DNAH14: variants seen among roughly 807,000 people sequenced by gnomAD.
DNAH14 encodes the protein axonemal beta dynein heavy chain 14.
In DNAH14, 478 loss-of-function variants were observed where a neutral mutation model predicts 520.9. The ratio of observed to expected loss-of-function variants is 0.92; its 90% CI spans 0.85 to 0.99. The LOEUF (loss-of-function observed/expected upper bound fraction) is 0.99. DNAH14 is among the 50% of genes least tolerant of loss of function. The probability of loss-of-function intolerance (pLI) is 0.00; values close to 1 mark genes in which losing one functional copy is unlikely to be tolerated. For synonymous variants in DNAH14, 1,581 were observed against 1,757.2 expected (o/e 0.90, Z 2.51); for missense variants, 4,831 against 5,234.5 (o/e 0.92, Z 2.38).
chr1:225,212,368 G>A (rs547051924), intron 41 of DNAH14, among the ~76,000 whole-genome samples: 3 of 151,990 alleles, frequency 2.0e-5, no homozygotes, highest in South Asian at 2.1e-4. Context: ...ATAAACATAC[G>A]TGTGCATGTG....
intron 84 of DNAH14, among the ~76,000 whole-genome samples, chr1:225,392,894 A>AG (rs1333844575): frequency 2.0e-5 from 3 of 152,158 alleles, no homozygotes; most frequent in African/African-American, 7.2e-5. Context: ...CGGTGCAGTG[A>AG]GGGGGACCCA....
intron 12 of DNAH14, among the ~76,000 whole-genome samples, chr1:225,039,993 T>G (rs1469696738): frequency 7.0e-6 from 1 of 143,566 alleles, no homozygotes; most frequent in Non-Finnish European, 1.5e-5. Context: ...GCTGGAGTGC[T>G]GTGGTGTGAT....
rs560233312 is a variant in DNAH14, at chr1:225,148,396, C to CTTTTTTTTTTTT, written c.4940+1159_4940+1170dup. ...TTCTCTAATGATCAGTAATGTTGAGCTTTTTTTTTTTTTTTTTTTTTTTGA... is the reference window on the plus strand; with the variant it reads ...TTCTCTAATGATCAGTAATGTTGAGCTTTTTTTTTTTTTTTTTTTTTTTTTTTTTTTTTTTGA... On this transcript the variant is annotated intron_variant, in intron 31 of 85. Coordinates refer to ENST00000682510, the MANE Select transcript of DNAH14 (RefSeq NM_001367479.1). Among the ~76,000 whole-genome samples, 21 of 96,622 alleles carry CTTTTTTTTTTTT rather than the reference C, an allele frequency of 2.2e-4. 2 individuals are homozygous for CTTTTTTTTTTTT. Among genetic ancestry groups the CTTTTTTTTTTTT allele is most frequent in the African/African-American group, 9.3e-4 (19 of 20,336 alleles). 63.4% of individuals were successfully genotyped at this position (96,622 alleles called of 152,430 possible).
At chr1:225,137,184 G>A (rs1359481100) in intron 27 of DNAH14, among the ~76,000 whole-genome samples, 5 of 152,134 alleles carry the variant, frequency 3.3e-5, no homozygotes, top group Non-Finnish European at 7.4e-5. Context: ...GCCCAGTTGT[G>A]TTGAAATCAA....
At chr1:225,339,252 A>G (rs2095129486) in intron 68 of DNAH14, among the ~76,000 whole-genome samples, 1 of 149,282 alleles carries the variant, frequency 6.7e-6, no homozygotes, top group South Asian at 2.1e-4. Flanking sequence ...CAGAGGTTGC[A>G]GTGAGCTGAG....
intron 43 of DNAH14, among the ~76,000 whole-genome samples, chr1:225,242,805 C>G (rs674025): frequency 0.15 from 22,699 of 152,162 alleles, 1,961 homozygotes; most frequent in East Asian, 0.36. Context: ...ACACCAGCAT[C>G]ACCACAAAGA....
At chr1:225,092,816 C>T (rs190522031) in intron 21 of DNAH14, among the ~76,000 whole-genome samples, 39 of 151,984 alleles carry the variant, frequency 2.6e-4, no homozygotes, top group Admixed American at 9.2e-4. Context: ...TCCAAATAAA[C>T]GCAATTATAA....
intron 37 of DNAH14, among the ~76,000 whole-genome samples, chr1:225,191,846 A>AT (rs2085482155): frequency 6.6e-6 from 1 of 151,536 alleles, no homozygotes; most frequent in Non-Finnish European, 1.5e-5. Flanking sequence ...GCCACTGTTG[A>AT]TTTTTATTTC....
At chr1:224,954,840 T>G (rs898837053) in intron 2 of DNAH14, 119 bp from the exon 3 acceptor site, 13 of 705,952 alleles carry the variant, frequency 1.8e-5, no homozygotes, top group Admixed American at 3.1e-5. Flanking sequence ...TAGCATTTAT[T>G]AAACCTAAGA....
intron 38 of DNAH14, among the ~76,000 whole-genome samples, chr1:225,200,683 C>T (rs765391902): frequency 2.6e-5 from 4 of 152,076 alleles, no homozygotes; most frequent in Admixed American, 6.6e-5. Flanking sequence ...AAACTAGGGC[C>T]CCAATTCCTT....
chr1:225,180,166 G>A (rs1379552124), intron 36 of DNAH14, among the ~76,000 whole-genome samples: 1 of 152,032 alleles, frequency 6.6e-6, no homozygotes, highest in Non-Finnish European at 1.5e-5. Flanking sequence ...CATTTGTAAA[G>A]TTTTCTGTTA....
At chr1:225,297,882 TG>T (rs1270342273) in intron 55 of DNAH14, among the ~76,000 whole-genome samples, 2 of 152,150 alleles carry the variant, frequency 1.3e-5, no homozygotes, top group African/African-American at 4.8e-5. Flanking sequence ...AGTTGCCCAC[TG>T]GGTTGTTTCT....
intron 1 of DNAH14, among the ~76,000 whole-genome samples, chr1:224,945,980 G>C (rs2059796974): frequency 6.6e-6 from 1 of 152,264 alleles, no homozygotes; most frequent in African/African-American, 2.4e-5. Context: ...CAAATCTCCA[G>C]CTGCATGCTG....
At chr1:224,947,321 C>A (rs983938098) in intron 1 of DNAH14, among the ~76,000 whole-genome samples, 8 of 152,088 alleles carry the variant, frequency 5.3e-5, no homozygotes, top group African/African-American at 1.9e-4. Flanking sequence ...AGTATTAATT[C>A]TACTATTAGA....
At position 225,322,446 on chromosome 1, in the gene DNAH14, G is replaced by C. The variant is rs535837606; in HGVS notation, c.9336-218G>C. Among the ~76,000 whole-genome samples, 42 of 152,140 alleles carry C rather than the reference G, an allele frequency of 2.8e-4. No homozygotes were observed. In the South Asian group the frequency reaches 5.4e-3, roughly 20 times the overall value. On this transcript the variant is annotated intron_variant, in intron 61 of 85. Coordinates refer to ENST00000682510, the MANE Select transcript of DNAH14 (RefSeq NM_001367479.1). ...TAACTCAGATGTAGTACTTATTTAA[G>C]TTTTATGCATTTCATCTTCCTAAAA...
In DNAH14 at chr1:225,324,241, A is replaced by G. The variant is rs1386493910; in HGVS notation, c.9515A>G (p.Lys3172Arg). ...CTCTAGGTTTTCGTGAAGCTAAAAA[A>G]AATTGTAACCTTACCTGATTTCAAC... ...IPDKVFVKLK[K>R]IVTLPDFNPH... Residue 3172 changes from lysine (K) to arginine (R), a missense_variant, in exon 63 of 86, where the codon AAA becomes AGA. By Grantham distance (26) the Lys-to-Arg change is conservative. Coordinates refer to ENST00000682510, the MANE Select transcript of DNAH14 (RefSeq NM_001367479.1). The G allele has an allele frequency of 6.4e-7, 1 of 1,551,610 alleles. No individual in the cohort carries two copies. Among genetic ancestry groups the G allele is most frequent in the African/African-American group, 1.4e-5 (1 of 73,056 alleles).
At chr1:225,037,963 C>T (rs1278110177) in intron 11 of DNAH14, among the ~76,000 whole-genome samples, 1 of 152,194 alleles carries the variant, frequency 6.6e-6, no homozygotes, top group Non-Finnish European at 1.5e-5. Context: ...GCTGGGATTA[C>T]AGGCATGAGC....
chr1:225,379,231 C>T (rs2095748374), intron 79 of DNAH14, among the ~76,000 whole-genome samples: 1 of 152,176 alleles, frequency 6.6e-6, no homozygotes, highest in Admixed American at 6.5e-5. Context: ...TTAGTTGCCT[C>T]CTCTTTTTCA....
intron 43 of DNAH14, among the ~76,000 whole-genome samples, chr1:225,248,937 TC>T (rs763015929): frequency 1.3e-5 from 2 of 152,222 alleles, no homozygotes; most frequent in Non-Finnish European, 2.9e-5. Context: ...CTGGTACAAC[TC>T]CATTGCAGTT....
Sources: allele counts gnomAD v4.1 joint callset (sites outside exome capture counted in the v4.1 genomes callset), GRCh38; gene constraint gnomAD v4.1.1; transcripts MANE v1.5; gene names NCBI Gene and HGNC (gene_info 2026-07-23, HGNC 2026-07-21).